The following MACROD2 variants were observed in gnomAD, a reference collection of about 807,000 sequenced individuals.
The protein encoded by MACROD2 is ADP-ribose glycohydrolase MACROD2.
A neutral mutation model predicts 70.4 loss-of-function variants in MACROD2; 36 were observed. That is an observed-to-expected ratio of 0.51 (90% CI 0.39 to 0.68). The LOEUF (loss-of-function observed/expected upper bound fraction) is 0.68. MACROD2 is among the 30% of genes least tolerant of loss of function. The pLI is 0.00. For missense variants in MACROD2, 496 were observed against 538.4 expected, an observed-to-expected ratio of 0.92 and a Z score of 0.78; for synonymous variants, 172 against 178.8, an observed-to-expected ratio of 0.96 and a Z score of 0.30.
At chr20:15,347,471 A>C (rs2078179246) in intron 6 of MACROD2, among the ~76,000 whole-genome samples, 2 of 152,154 alleles carry the variant, frequency 1.3e-5, no homozygotes, top group Non-Finnish European at 2.9e-5. Context: ...ATCCATATTC[A>C]GGAACATATA....
intron 2 of MACROD2, among the ~76,000 whole-genome samples, chr20:14,043,797 T>A (rs902702571): frequency 1.3e-5 from 2 of 152,054 alleles, no homozygotes; most frequent in Admixed American, 6.6e-5. Flanking sequence ...AAAAGGATCA[T>A]GTGAAAGGAG....
chr20:16,023,822 C>T (rs1255849915), intron 15 of MACROD2, among the ~76,000 whole-genome samples: 1 of 152,058 alleles, frequency 6.6e-6, no homozygotes, highest in African/African-American at 2.4e-5. Context: ...GAGTAGATCT[C>T]CAGCACTTTT....
At chr20:15,753,669 C>T (rs1405988662) in intron 8 of MACROD2, among the ~76,000 whole-genome samples, 1 of 152,184 alleles carries the variant, frequency 6.6e-6, no homozygotes, top group African/African-American at 2.4e-5. Flanking sequence ...AATTCTGTTT[C>T]AAGTTCTTTG....
At chr20:15,874,733 C>A (rs1216425616) in intron 9 of MACROD2, among the ~76,000 whole-genome samples, 1 of 152,024 alleles carries the variant, frequency 6.6e-6, no homozygotes, top group Non-Finnish European at 1.5e-5. Context: ...CCTGATTTAC[C>A]AAATGTGGTA....
intron 8 of MACROD2, among the ~76,000 whole-genome samples, chr20:15,848,934 G>A (rs113859793): frequency 2.1e-4 from 32 of 152,270 alleles, no homozygotes; most frequent in East Asian, 1.2e-3. Flanking sequence ...GGGATCTACC[G>A]TCTAGCTGAG....
intron 3 of MACROD2, among the ~76,000 whole-genome samples, chr20:14,374,871 A>G (rs1237987150): frequency 1.3e-5 from 2 of 152,182 alleles, no homozygotes; most frequent in Non-Finnish European, 2.9e-5. Flanking sequence ...GCGTGTGTGA[A>G]TGGCACATCT....
At chr20:14,437,950 C>G (rs2084077117) in intron 3 of MACROD2, among the ~76,000 whole-genome samples, 1 of 152,076 alleles carries the variant, frequency 6.6e-6, no homozygotes, top group African/African-American at 2.4e-5. Flanking sequence ...CCTACAGTGA[C>G]AAGAACAGCT....
intron 6 of MACROD2, among the ~76,000 whole-genome samples, chr20:15,356,689 C>T (rs2078291007): frequency 6.6e-6 from 1 of 152,156 alleles, no homozygotes; most frequent in African/African-American, 2.4e-5. Context: ...GAGGCTGAGG[C>T]ATGAGAATCA....
intron 6 of MACROD2, among the ~76,000 whole-genome samples, chr20:15,277,833 G>T (rs1394593082): frequency 6.6e-6 from 1 of 152,164 alleles, no homozygotes; most frequent in Non-Finnish European, 1.5e-5. Flanking sequence ...GAGAAAAGAG[G>T]TGTGTGTGGG....
chr20:14,700,661 TA>T (rs35992624), intron 5 of MACROD2, among the ~76,000 whole-genome samples: 1 of 152,128 alleles, frequency 6.6e-6, no homozygotes, highest in African/African-American at 2.4e-5. Context: ...ACATTTTGTA[TA>T]AAATCCATTT....
At chr20:15,809,146 C>T (rs1307503837) in intron 8 of MACROD2, among the ~76,000 whole-genome samples, 1 of 152,180 alleles carries the variant, frequency 6.6e-6, no homozygotes, top group Non-Finnish European at 1.5e-5. Flanking sequence ...ATCCCTCCCA[C>T]TTCTACCTTT....
chr20:14,867,540 A>G (rs1391589412), intron 5 of MACROD2, among the ~76,000 whole-genome samples: 2 of 152,156 alleles, frequency 1.3e-5, no homozygotes, highest in Non-Finnish European at 2.9e-5. Flanking sequence ...TGAATTCTAC[A>G]TGGATTCCTG....
chr20:14,365,651 C>G (rs779133443), intron 3 of MACROD2, among the ~76,000 whole-genome samples: 1 of 152,012 alleles, frequency 6.6e-6, no homozygotes, highest in African/African-American at 2.4e-5. Context: ...ACTCTGTTAG[C>G]TCTGCACTTA....
intron 17 of MACROD2, 21 bp downstream of exon 17, chr20:16,044,660 A>G (rs2067355763): frequency 6.2e-7 from 1 of 1,600,778 alleles, no homozygotes; most frequent in African/African-American, 1.3e-5. Context: ...CCTTGTGGTG[A>G]GATTTTCAAT....
chr20:15,497,556 C>T (rs759595847), intron 7 of MACROD2, among the ~76,000 whole-genome samples: 4 of 152,110 alleles, frequency 2.6e-5, no homozygotes, highest in African/African-American at 4.8e-5. Flanking sequence ...CTTCAAAGTG[C>T]TGGAGTTACA....
Position 15,967,546 on chromosome 20 carries a change from T to A in MACROD2, c.908-7T>A. On this transcript the variant is annotated splice_region_variant and splice_polypyrimidine_tract_variant and intron_variant, in intron 12 of 17. Coordinates refer to ENST00000684519, the MANE Select transcript of MACROD2 (RefSeq NM_001351661.2). Reference sequence around the variant, plus strand: ...GCTGACCAAAGGTTTTGCTTGTTTGTTGTTAGATTTTGCAAAGGATGAAAA... The same window carrying A: ...GCTGACCAAAGGTTTTGCTTGTTTGATGTTAGATTTTGCAAAGGATGAAAA... The A allele has an allele frequency of 6.2e-7, 1 of 1,610,126 alleles. No homozygotes were observed.
chr20:15,546,413 CAG>C lies in MACROD2; in HGVS notation c.645+46569_645+46570del, dbSNP rs560619866. ...CATTGTAAGGATGAGAAAACAGTCT[CAG>C]AGCTCCATAGCTATTAAGTGATAGA... On this transcript the variant is annotated intron_variant, in intron 8 of 17. Coordinates refer to ENST00000684519, the MANE Select transcript of MACROD2 (RefSeq NM_001351661.2). Among the ~76,000 whole-genome samples the C allele has an allele frequency of 6.6e-5, 10 of 152,286 alleles. No individual in the cohort carries two copies. In the East Asian group the frequency reaches 1.7e-3, roughly 26 times the overall value.
At chr20:15,311,911 C>A (rs1038394347) in intron 6 of MACROD2, among the ~76,000 whole-genome samples, 1 of 152,026 alleles carries the variant, frequency 6.6e-6, no homozygotes, top group Non-Finnish European at 1.5e-5. Flanking sequence ...CAAACCTGTA[C>A]ATGTATCCCC....
At chr20:14,642,674 G>T (rs942830797) in intron 4 of MACROD2, among the ~76,000 whole-genome samples, 1 of 152,094 alleles carries the variant, frequency 6.6e-6, no homozygotes, top group African/African-American at 2.4e-5. Flanking sequence ...ATTGCTGGTT[G>T]GTGGAGCAGT....
Sources: allele counts gnomAD v4.1 joint callset (sites outside exome capture counted in the v4.1 genomes callset), GRCh38; gene constraint gnomAD v4.1.1; transcripts MANE v1.5; gene names NCBI Gene and HGNC (gene_info 2026-07-23, HGNC 2026-07-21).